The following PAX3 variants were observed in gnomAD, a reference collection of about 807,000 sequenced individuals.
The protein encoded by PAX3 is paired box 3.
PAX3 carries 14 observed loss-of-function variants against 51.6 expected under a neutral mutation model. That is an observed-to-expected ratio of 0.27 (90% CI 0.18 to 0.42). The LOEUF is 0.42. Among genes scored for constraint, PAX3 ranks in the 10% least tolerant of loss-of-function variants. The pLI is 1.00. For synonymous variants in PAX3, 280 were observed against 253.4 expected, an observed-to-expected ratio of 1.11 and a Z score of -1.00; for missense variants, 540 against 642.8, an observed-to-expected ratio of 0.84 and a Z score of 1.73.
intron 4 of PAX3, among the ~76,000 whole-genome samples, chr2:222,279,762 C>T (rs1002349877): frequency 1.3e-5 from 2 of 152,018 alleles, no homozygotes; most frequent in Admixed American, 1.3e-4. Context: ...TTAGTTTAAA[C>T]TAGTAACATT....
intron 5 of PAX3, among the ~76,000 whole-genome samples, chr2:222,222,565 AG>A (rs1271481740): frequency 6.6e-6 from 1 of 152,034 alleles, no homozygotes; most frequent in African/African-American, 2.4e-5. Flanking sequence ...CACCATGCCC[AG>A]CTAATTTTTG....
chr2:222,204,505 G>A (rs1019850973), intron 7 of PAX3, among the ~76,000 whole-genome samples: 12 of 152,152 alleles, frequency 7.9e-5, no homozygotes, highest in Non-Finnish European at 1.5e-4. Flanking sequence ...TAGAAGAAAA[G>A]AGTCTTTAAG....
At chr2:222,291,675 A>AG (rs1695043930) in intron 4 of PAX3, among the ~76,000 whole-genome samples, 1 of 152,180 alleles carries the variant, frequency 6.6e-6, no homozygotes, top group African/African-American at 2.4e-5. Flanking sequence ...CACACTGGTC[A>AG]GGGGACCCCA....
Position 222,255,917 on chromosome 2 carries a change from A to ATTTTT in PAX3, c.587-23639_587-23635dup, listed in dbSNP as rs57757180. Among the ~76,000 whole-genome samples, 364 of 98,310 alleles carry ATTTTT rather than the reference A, an allele frequency of 3.7e-3. 12 individuals carry two copies. Among genetic ancestry groups the ATTTTT allele is most frequent in the Non-Finnish European group, 4.8e-3 (253 of 52,950 alleles). 64.5% of individuals were successfully genotyped at this position (98,310 alleles called of 152,430 possible). On this transcript the variant is annotated intron_variant, in intron 4 of 8. Coordinates refer to ENST00000392070, the MANE Select transcript of PAX3 (RefSeq NM_181458.4). Reference sequence around the variant, plus strand: ...AGGTGCACGCCACTACGCCCAGCTAATTTTTTTTTTTTTTTTTTTTTTTGT... The same window carrying ATTTTT: ...AGGTGCACGCCACTACGCCCAGCTAATTTTTTTTTTTTTTTTTTTTTTTTTTTTGT...
chr2:222,294,282 G>A lies in PAX3; in HGVS notation c.471C>T (p.Ile157=), dbSNP rs1695169597. ...TVPSVSSISR[I]LRSKFGKGEE... ...CACCTTTCCCGAATTTACTTCTCAG[G>A]ATGCGGCTGATGGAACTCACTGGGG... is the stretch of plus-strand genomic sequence containing the variant. Residue 157 remains isoleucine (I), a synonymous_variant, in exon 4 of 9, where the codon ATC becomes ATT. Coordinates refer to ENST00000392070, the MANE Select transcript of PAX3 (RefSeq NM_181458.4). 1 of 1,614,176 alleles carries A rather than the reference G, an allele frequency of 6.2e-7. No homozygotes were observed. The highest frequency in any genetic ancestry group is 8.5e-7 in the Non-Finnish European group (1 of 1,180,038).
chr2:222,280,027 A>G (rs1373734497), intron 4 of PAX3, among the ~76,000 whole-genome samples: 1 of 152,110 alleles, frequency 6.6e-6, no homozygotes, highest in Non-Finnish European at 1.5e-5. Context: ...CCTGGCCAAC[A>G]TGGTAAAACC....
intron 5 of PAX3, among the ~76,000 whole-genome samples, chr2:222,231,353 G>A (rs2106093669): frequency 6.6e-6 from 1 of 152,316 alleles, no homozygotes; most frequent in East Asian, 1.9e-4. Context: ...GCTCCAGGAA[G>A]TAGTTCTTCA....
At position 222,295,941 on chromosome 2, in the gene PAX3, G is replaced by A. The variant is rs542000875; in HGVS notation, c.322-284C>T. 3.7e-3 allele frequency among the ~76,000 whole-genome samples: 563 copies of A among 152,292 alleles called. 1 individual carries two copies. Among genetic ancestry groups the A allele is most frequent in the African/African-American group, 0.013 (548 of 41,540 alleles). ...AATTATAACATCTTGATGGGGGTAG[G>A]GTGGGGTTATACTTTCTCATCCCTG... On this transcript the variant is annotated intron_variant, in intron 2 of 8. Transcript: ENST00000392070.
At chr2:222,276,067 C>A (rs1694409985) in intron 4 of PAX3, among the ~76,000 whole-genome samples, 1 of 152,138 alleles carries the variant, frequency 6.6e-6, no homozygotes, top group African/African-American at 2.4e-5. Flanking sequence ...TGGTCAGTAG[C>A]CAGAAATCCT....
At position 222,296,963 on chromosome 2, in the gene PAX3, G is replaced by A. The variant is rs539901133; in HGVS notation, c.321+15C>T. The A allele has an allele frequency of 1.9e-6, 3 of 1,603,362 alleles. No individual in the cohort carries two copies. The highest frequency in any genetic ancestry group is 2.2e-5 in the South Asian group (2 of 89,738). On this transcript the variant is annotated intron_variant, in intron 2 of 8. Transcript: ENST00000392070. ...CACAGTCTGGGAGCCAGGAGGGCAAGGCCCGCCCGCTCACCTTGGGCTTGC... is the reference window on the plus strand; with the variant it reads ...CACAGTCTGGGAGCCAGGAGGGCAAAGCCCGCCCGCTCACCTTGGGCTTGC...
chr2:222,228,279 C>A (rs987467876), intron 5 of PAX3, among the ~76,000 whole-genome samples: 1 of 152,252 alleles, frequency 6.6e-6, no homozygotes, highest in South Asian at 2.1e-4. Flanking sequence ...CAAGAGTCAC[C>A]GGGTTAAAGC....
At chr2:222,266,413 T>C (rs1258962515) in intron 4 of PAX3, among the ~76,000 whole-genome samples, 1 of 152,188 alleles carries the variant, frequency 6.6e-6, no homozygotes, top group Non-Finnish European at 1.5e-5. Context: ...GCAAATACTA[T>C]TATTGGCCCC....
chr2:222,243,723 A>G (rs945858680), intron 4 of PAX3, among the ~76,000 whole-genome samples: 5 of 152,196 alleles, frequency 3.3e-5, no homozygotes, highest in African/African-American at 9.6e-5. Flanking sequence ...TTTGCTTCCC[A>G]TCTTCTCTTG....
chr2:222,297,862 C>A (rs968162573), intron 1 of PAX3, among the ~76,000 whole-genome samples: 2 of 152,186 alleles, frequency 1.3e-5, no homozygotes, highest in East Asian at 3.9e-4. Flanking sequence ...GAGTGGGTGG[C>A]GGGGGCGATG....
intron 4 of PAX3, chr2:222,265,054 TA>T (rs34323237): frequency 6.6e-6 from 1 of 152,200 alleles, no homozygotes; most frequent in Non-Finnish European, 1.5e-5. Context: ...CCCTGGACTC[TA>T]AAAAGTACTT....
At chr2:222,204,614 T>C (rs1247478745) in intron 7 of PAX3, among the ~76,000 whole-genome samples, 2 of 152,190 alleles carry the variant, frequency 1.3e-5, no homozygotes, top group African/African-American at 4.8e-5. Flanking sequence ...ATAAAAACAC[T>C]TTAAAATGTG....
At chr2:222,217,477 C>T (rs1483311773) in intron 7 of PAX3, among the ~76,000 whole-genome samples, 3 of 152,056 alleles carry the variant, frequency 2.0e-5, no homozygotes, top group African/African-American at 7.2e-5. Flanking sequence ...AATTCCCTCC[C>T]TATCAATCCT....
chr2:222,286,865 A>G (rs2106184149), intron 4 of PAX3, among the ~76,000 whole-genome samples: 2 of 152,372 alleles, frequency 1.3e-5, no homozygotes, highest in Non-Finnish European at 2.9e-5. Flanking sequence ...GTCTTCAATA[A>G]CTATATTTCA....
intron 4 of PAX3, among the ~76,000 whole-genome samples, chr2:222,261,171 G>A (rs1020749183): frequency 3.9e-5 from 6 of 152,092 alleles, no homozygotes; most frequent in African/African-American, 7.2e-5. Flanking sequence ...AGCAAACAAC[G>A]ATTTTGTCAG....
Sources: allele counts gnomAD v4.1 joint callset (sites outside exome capture counted in the v4.1 genomes callset), GRCh38; gene constraint gnomAD v4.1.1; transcripts MANE v1.5; gene names NCBI Gene and HGNC (gene_info 2026-07-23, HGNC 2026-07-21).